The following L3MBTL4 variants were observed in gnomAD, a reference collection of about 807,000 sequenced individuals.
L3MBTL4 encodes L3MBTL histone methyl-lysine binding protein 4, also known as lethal(3)malignant brain tumor-like protein 4.
A neutral mutation model predicts 84.5 loss-of-function variants in L3MBTL4; 70 were observed. That is an observed-to-expected ratio of 0.83 (90% confidence interval 0.68 to 1.01). L3MBTL4 has a LOEUF of 1.01. Ranked by LOEUF, L3MBTL4 falls within the 50% of genes least tolerant of loss-of-function variation. L3MBTL4 has a pLI of 0.00. For synonymous variants in L3MBTL4, 274 were observed against 259.8 expected (o/e 1.05, Z -0.52); for missense variants, 715 against 754.8 (o/e 0.95, Z 0.62).
intron 12 of L3MBTL4, among the ~76,000 whole-genome samples, chr18:6,186,298 T>G (rs1275731125): frequency 6.6e-6 from 1 of 152,082 alleles, no homozygotes; most frequent in South Asian, 2.1e-4. Flanking sequence ...CACCTTGGCC[T>G]CCCAAAGTGC....
At chr18:5,969,019 G>A (rs143109801) in intron 17 of L3MBTL4, among the ~76,000 whole-genome samples, 66 of 152,214 alleles carry the variant, frequency 4.3e-4, no homozygotes, top group Admixed American at 1.4e-3. Context: ...CAGAGCACAC[G>A]TGCCTAGGAT....
At chr18:5,972,845 C>CA (rs1371824117) in intron 16 of L3MBTL4, among the ~76,000 whole-genome samples, 2 of 147,844 alleles carry the variant, frequency 1.4e-5, no homozygotes, top group Non-Finnish European at 3.0e-5. Context: ...AGGAGGGAGA[C>CA]AAAAAATAGA....
At chr18:6,124,859 T>G (rs1288557787) in intron 14 of L3MBTL4, among the ~76,000 whole-genome samples, 1 of 152,202 alleles carries the variant, frequency 6.6e-6, no homozygotes, top group Non-Finnish European at 1.5e-5. Context: ...TTCCTTTTTT[T>G]CTTTCCACGA....
At chr18:6,243,576 T>G in intron 6 of L3MBTL4, 147 bp from the exon 7 acceptor site, 1 of 562,240 alleles carries the variant, frequency 1.8e-6, no homozygotes, top group Non-Finnish European at 2.9e-6. Context: ...AAAGAAGAAA[T>G]TTATGGATGA....
rs143169808 is a variant in L3MBTL4, at chr18:6,173,896, G to A, written c.982-1954C>T. 1.1e-4 allele frequency among the ~76,000 whole-genome samples: 16 copies of A among 152,258 alleles called. No individual in the cohort carries two copies. In the East Asian group the frequency reaches 2.7e-3, roughly 26 times the overall value. ...AAGCCAAGCAGAGAGTAGCTGATAC[G>A]GGGCTGAGAATGAAACAAAGATACT... On this transcript the variant is annotated intron_variant, in intron 12 of 18. Coordinates refer to ENST00000317931, the MANE Select transcript of L3MBTL4 (RefSeq NM_001330559.2).
chr18:6,055,831 T>G (rs985973053), intron 16 of L3MBTL4, among the ~76,000 whole-genome samples: 4 of 152,176 alleles, frequency 2.6e-5, no homozygotes, highest in Non-Finnish European at 4.4e-5. Context: ...CTTCCACTAT[T>G]ATACTTCATG....
At chr18:5,978,484 G>A (rs1490494318) in intron 16 of L3MBTL4, among the ~76,000 whole-genome samples, 1 of 152,138 alleles carries the variant, frequency 6.6e-6, no homozygotes, top group African/African-American at 2.4e-5. Flanking sequence ...GACCTTTACT[G>A]GCAGAGGAGA....
chr18:6,394,514 C>A (rs550949597), intron 1 of L3MBTL4, among the ~76,000 whole-genome samples: 1 of 152,000 alleles, frequency 6.6e-6, no homozygotes, highest in African/African-American at 2.4e-5. Context: ...CATTATTTAC[C>A]TGTTTGTTAT....
intron 16 of L3MBTL4, among the ~76,000 whole-genome samples, chr18:5,999,792 C>T (rs559631580): frequency 1.3e-5 from 2 of 152,194 alleles, no homozygotes; most frequent in African/African-American, 4.8e-5. Context: ...TCCTGGGTGG[C>T]CACTGCCAGA....
At chr18:6,030,139 A>T (rs2055716843) in intron 16 of L3MBTL4, 1 of 795,262 alleles carries the variant, frequency 1.3e-6, no homozygotes, top group Non-Finnish European at 1.5e-6. Flanking sequence ...GTAAATACAC[A>T]TACACACATA....
intron 10 of L3MBTL4, among the ~76,000 whole-genome samples, chr18:6,233,014 G>T (rs553838853): frequency 6.6e-6 from 1 of 151,948 alleles, no homozygotes; most frequent in Non-Finnish European, 1.5e-5. Flanking sequence ...GCTGGTTCAA[G>T]ATACGCAAAT....
intron 16 of L3MBTL4, among the ~76,000 whole-genome samples, chr18:5,982,978 C>T (rs1357854372): frequency 2.0e-5 from 3 of 152,144 alleles, no homozygotes; most frequent in Admixed American, 6.5e-5. Flanking sequence ...TTGAGGAAAC[C>T]GGCTGAAGGC....
At chr18:6,396,084 T>C (rs752500013) in intron 1 of L3MBTL4, 1 of 152,218 alleles carries the variant, frequency 6.6e-6, no homozygotes, top group Non-Finnish European at 1.5e-5. Context: ...TTTAATCTTA[T>C]TATAGGAAAT....
At chr18:5,979,655 GT>G (rs2053118106) in intron 16 of L3MBTL4, among the ~76,000 whole-genome samples, 1 of 152,130 alleles carries the variant, frequency 6.6e-6, no homozygotes, top group Admixed American at 6.5e-5. Flanking sequence ...TCCTTCAATA[GT>G]GGGTTATTTC....
intron 1 of L3MBTL4, among the ~76,000 whole-genome samples, chr18:6,347,403 G>T (rs2143680652): frequency 6.6e-6 from 1 of 151,764 alleles, no homozygotes; most frequent in South Asian, 2.1e-4. Context: ...AAAATTTAGG[G>T]AGGTGATGGC....
At chr18:5,963,516 T>A (rs1281788866) in intron 17 of L3MBTL4, among the ~76,000 whole-genome samples, 2 of 152,186 alleles carry the variant, frequency 1.3e-5, no homozygotes, top group East Asian at 1.9e-4. Context: ...CTGGCCACCC[T>A]CCTCGGCTTC....
chr18:6,160,940 G>A (rs2043311593), intron 13 of L3MBTL4, among the ~76,000 whole-genome samples: 1 of 152,104 alleles, frequency 6.6e-6, no homozygotes, highest in Non-Finnish European at 1.5e-5. Flanking sequence ...TCCATTTAAA[G>A]AAAATTTACA....
intron 1 of L3MBTL4, among the ~76,000 whole-genome samples, chr18:6,391,362 C>T (rs529173534): frequency 6.6e-6 from 1 of 152,210 alleles, no homozygotes; most frequent in South Asian, 2.1e-4. Flanking sequence ...ATATGGAAAA[C>T]CCACAGGCAA....
chr18:6,093,507 T>C lies in L3MBTL4; in HGVS notation c.1221A>G (p.Ser407=). Reference sequence around the variant, plus strand: ...TTGCCTCCTTTTTCAAGTTCATGTCTGAATACGGGCAGCCAAAAGCACTGG... The same window carrying C: ...TTGCCTCCTTTTTCAAGTTCATGTCCGAATACGGGCAGCCAAAAGCACTGG... ...GHHSAFGCPY[S]DMNLKKEATL... Residue 407 remains serine, a synonymous_variant, in exon 15 of 19, where the codon TCA becomes TCG. Coordinates refer to ENST00000317931, the MANE Select transcript of L3MBTL4 (RefSeq NM_001330559.2). The C allele has an allele frequency of 6.2e-7, 1 of 1,613,138 alleles. No individual in the cohort carries two copies.
Sources: allele counts gnomAD v4.1 joint callset (sites outside exome capture counted in the v4.1 genomes callset), GRCh38; gene constraint gnomAD v4.1.1; transcripts MANE v1.5; gene names NCBI Gene and HGNC (gene_info 2026-07-23, HGNC 2026-07-21).